NLRC3: variants seen among roughly 807,000 people sequenced by gnomAD.
The protein encoded by NLRC3 is NLR family CARD domain-containing protein 3.
In NLRC3, 87 loss-of-function variants were observed where a neutral mutation model predicts 91.6. The ratio of observed to expected loss-of-function variants is 0.95; its 90% CI spans 0.80 to 1.14. The LOEUF is 1.14. Ranked by LOEUF, NLRC3 falls within the 50% of genes most tolerant of loss-of-function variation. The pLI, the probability that NLRC3 is intolerant of heterozygous loss-of-function variation, is 0.00. For missense variants in NLRC3, 1,577 were observed against 1,418.6 expected (o/e 1.11, Z -1.79); for synonymous variants, 694 against 625.3 (o/e 1.11, Z -1.64).
At chr16:3,569,363 C>T (rs2040001678) in intron 1 of NLRC3, among the ~76,000 whole-genome samples, 1 of 110,920 alleles carries the variant, frequency 9.0e-6, no homozygotes, top group Admixed American at 9.5e-5. Flanking sequence ...CTCTTTATTT[C>T]TGAAAACCAT....
chr16:3,570,462 G>A (rs539670129), intron 1 of NLRC3, among the ~76,000 whole-genome samples: 12 of 152,148 alleles, frequency 7.9e-5, no homozygotes, highest in African/African-American at 1.2e-4. Context: ...GCGGTTTGAC[G>A]GGTAAGGGAT....
intron 2 of NLRC3, among the ~76,000 whole-genome samples, chr16:3,565,852 G>A (rs1389621617): frequency 6.6e-6 from 1 of 151,496 alleles, no homozygotes; most frequent in East Asian, 1.9e-4. Context: ...GACCAGCTTG[G>A]GCAACATAGT....
Position 3,556,937 on chromosome 16 carries a change from C to G in NLRC3, c.2157G>C (p.Lys719Asn), listed in dbSNP as rs201245547. The change falls in exon 8 of 20, where the codon AAG becomes AAC. Residue 719 changes from lysine (K) to asparagine (N), a missense_variant. Transcript: ENST00000359128. The stretch of plus-strand genomic sequence containing the variant: ...TCAGGGAGGTCAGGGTGCGGTTGAT[C>G]TTCAAAGCGTCTGCCAGCGCCTTGG... ...QGAKALADAL[K>N]INRTLTSLSL... The G allele has an allele frequency of 1.4e-5, 22 of 1,613,636 alleles. No homozygotes were observed. In the South Asian group the frequency reaches 2.3e-4, roughly 17 times the overall value.
rs543407411 is a variant in NLRC3 at position 3,544,576 on chromosome 16, A to C, written c.2772-247T>G. ...GGCAAGCAGGAAATGGGACATATAG[A>C]GTGACTGTCAGCAGGGGCTTGGGAC... On this transcript the variant is annotated intron_variant, in intron 15 of 19. Coordinates refer to ENST00000359128, the MANE Select transcript of NLRC3 (RefSeq NM_178844.4). The C allele has an allele frequency of 8.5e-6, 4 of 469,684 alleles. No homozygotes were observed. In the South Asian group the frequency reaches 1.3e-4, roughly 15 times the overall value. The allele number at this position is 469,684 out of a possible 1,614,324, so 29.1% of individuals were successfully genotyped here.
rs534601095 is a variant in NLRC3 at position 3,577,001 on chromosome 16, C to G, written c.-169+148G>C. The G allele has an allele frequency of 3.6e-4, 240 of 663,592 alleles. 1 individual carries two copies. Among genetic ancestry groups the G allele is most frequent in the Non-Finnish European group, 5.5e-4 (202 of 365,524 alleles). 41.1% of individuals were successfully genotyped at this position (663,592 alleles called of 1,614,324 possible). A position where few individuals can be genotyped will look rare whatever the true frequency, so the allele number is the denominator to read the frequency against. ...CTTTTTTCTACAGCATGAGCCAGTC[C>G]TGCCCCAGGAGACAGCTTCTTGGAG... is the stretch of plus-strand genomic sequence containing the variant. On this transcript the variant is annotated intron_variant, in intron 1 of 19. Transcript: ENST00000359128.
intron 15 of NLRC3, 106 bp from the exon 16 acceptor site, chr16:3,544,435 A>G: frequency 1.4e-6 from 1 of 740,064 alleles, no homozygotes; most frequent in Non-Finnish European, 2.4e-6. Flanking sequence ...CACACACCAT[A>G]GACACTCCCA....
chr16:3,548,194 G>A lies in NLRC3; in HGVS notation c.2712C>T (p.Ala904=), dbSNP rs371123691. The A allele has an allele frequency of 3.3e-5, 52 of 1,594,722 alleles. No homozygotes were observed. The highest frequency in any genetic ancestry group is 1.7e-4 in the Middle Eastern group (1 of 6,040). Reference sequence around the variant, plus strand: ...CTTGTCCCAGGGCCTGGGCAGCGCCGGCCTGGATGAAGTTCCACTGCAGGC... The same window carrying A: ...CTTGTCCCAGGGCCTGGGCAGCGCCAGCCTGGATGAAGTTCCACTGCAGGC... ...SLHLQWNFIQ[A]GAAQALGQAL... The change falls in exon 15 of 20, where the codon GCC becomes GCT. Residue 904 remains alanine, a synonymous_variant. Transcript: ENST00000359128.
intron 15 of NLRC3, 119 bp from the exon 16 acceptor site, chr16:3,544,448 G>A (rs1318853524): frequency 2.9e-6 from 2 of 686,292 alleles, no homozygotes; most frequent in Non-Finnish European, 5.2e-6. Context: ...CACTCCCAGG[G>A]TTTCCTGGGG....
chr16:3,577,403 C>CG (rs543242262), upstream of NLRC3: 1 of 565,976 alleles, frequency 1.8e-6, no homozygotes, highest in Non-Finnish European at 3.1e-6. Context: ...CCTGTGGCTC[C>CG]GGGTCCTCAC....
At position 3,541,871 on chromosome 16, in the gene NLRC3, G is replaced by GAGAT; in HGVS notation, c.3148_3151dup (p.Ser1051TyrfsTer15). ...GGGAGCATTTGTCTTGATGGCCTCT[G>GAGAT]AGATCATCCTGGCCCCGGAGTCCCC... On this transcript the variant is annotated frameshift_variant, in exon 20 of 20. Transcript: ENST00000359128. LOFTEE classifies it high-confidence loss of function. 6.2e-7 allele frequency: 1 copy of GAGAT among 1,612,748 alleles called. No individual in the cohort carries two copies. The highest frequency in any genetic ancestry group is 1.7e-5 in the Admixed American group (1 of 59,930).
chr16:3,576,043 C>T (rs751581871), intron 1 of NLRC3, among the ~76,000 whole-genome samples: 1 of 152,186 alleles, frequency 6.6e-6, no homozygotes, highest in Admixed American at 6.5e-5. Context: ...ACTGCATGGA[C>T]CCCTGGAGTC....
intron 16 of NLRC3, 67 bp downstream of exon 16, chr16:3,544,179 A>AT: frequency 1.1e-6 from 1 of 886,022 alleles, no homozygotes; most frequent in Non-Finnish European, 1.8e-6. Flanking sequence ...AAAAAAAAAA[A>AT]GACCTCTAAC....
rs760166866 is a variant in NLRC3, at chr16:3,564,112, G to C, written c.825C>G (p.Ile275Met). Reference protein sequence around the residue: ...ITSRPSASGQIPGGLVDRMTE... With the variant: ...ITSRPSASGQMPGGLVDRMTE... ...TCATCCGGTCCACCAGGCCCCCTGG[G>C]ATCTGGCCAGATGCACTGGGACGGG... The change falls in exon 5 of 20, where the codon ATC (isoleucine) becomes ATG (methionine). Residue 275 changes from isoleucine (I) to methionine (M), a missense_variant. Coordinates refer to ENST00000359128, the MANE Select transcript of NLRC3 (RefSeq NM_178844.4). The surrounding 1 kb of genome is among the most constrained non-coding windows in gnomAD (Gnocchi z 5.9). 6.2e-7 allele frequency: 1 copy of C among 1,613,702 alleles called. No homozygotes were observed.
At chr16:3,571,658 T>G (rs184077457) in intron 1 of NLRC3, among the ~76,000 whole-genome samples, 2 of 151,864 alleles carry the variant, frequency 1.3e-5, no homozygotes, top group Admixed American at 6.6e-5. Context: ...AATTAAAATA[T>G]TTGCCAGGCG....
In NLRC3 at chr16:3,567,959, A is replaced by G. The variant is rs185161629; in HGVS notation, c.-168-635T>C. On this transcript the variant is annotated intron_variant, in intron 1 of 19. Transcript: ENST00000359128. ...CAGCTCACTGAAACTTCTGCCTCCC[A>G]GGTTCAAGCAATTCTCCTGCCTCAG... 7.8e-3 allele frequency among the ~76,000 whole-genome samples: 1,171 copies of G among 150,748 alleles called. 13 individuals are homozygous for G. The highest frequency in any genetic ancestry group is 0.023 in the African/African-American group (936 of 41,182).
chr16:3,554,287 G>A lies in NLRC3; in HGVS notation c.2222C>T (p.Ser741Phe), dbSNP rs938748157. ...GNTVRDDGAR[S>F]MAEALASNRT... ...GTTGGAGGCCAAGGCCTCAGCCATGGACCTGGCACCATCATCCCTAACGGT... is the reference window on the plus strand; with the variant it reads ...GTTGGAGGCCAAGGCCTCAGCCATGAACCTGGCACCATCATCCCTAACGGT... The change falls in exon 9 of 20, where the codon TCC becomes TTC. Residue 741 changes from serine to phenylalanine, a missense_variant. Physicochemically the swap from Ser to Phe is radical, Grantham distance 155 (BLOSUM62 -2). Transcript: ENST00000359128. The A allele has an allele frequency of 1.9e-6, 3 of 1,613,826 alleles. No homozygotes were observed. Among genetic ancestry groups the A allele is most frequent in the Non-Finnish European group, 1.7e-6 (2 of 1,179,826 alleles).
intron 6 of NLRC3, among the ~76,000 whole-genome samples, chr16:3,561,412 A>C (rs2039604893): frequency 6.6e-6 from 1 of 152,122 alleles, no homozygotes; most frequent in Non-Finnish European, 1.5e-5. Flanking sequence ...TGCTTAGAGA[A>C]CATTGTGCCT....
chr16:3,545,971 T>C (rs77513651), intron 15 of NLRC3, among the ~76,000 whole-genome samples: 12,513 of 152,108 alleles, frequency 0.082, 575 homozygotes, highest in African/African-American at 0.12. Context: ...GAGGATGGAC[T>C]GAGGTGGAGG....
chr16:3,575,384 T>C (rs936372870), intron 1 of NLRC3, among the ~76,000 whole-genome samples: 2 of 152,300 alleles, frequency 1.3e-5, no homozygotes. Flanking sequence ...CAGACGCCAC[T>C]ATGGATGGTC....
Sources: gnomAD v4.1 joint callset for allele counts (sites outside exome capture counted in the v4.1 genomes callset) on GRCh38, gnomAD v4.1.1 for gene constraint, Gnocchi (gnomAD v3.1) non-coding constraint, MANE v1.5 for transcripts, NCBI Gene and HGNC (gene_info 2026-07-23, HGNC 2026-07-21) for gene names.